Variants in TRA2B observed in about 807,000 individuals in gnomAD.
TRA2B encodes the protein transformer 2 beta homolog, also known as transformer-2 protein homolog beta.
In TRA2B, 14 loss-of-function variants were observed where a neutral mutation model predicts 41.7. The ratio of observed to expected loss-of-function variants is 0.34; its 90% CI spans 0.22 to 0.53. The LOEUF (loss-of-function observed/expected upper bound fraction) is 0.53. Ranked by LOEUF, TRA2B falls within the 20% of genes least tolerant of loss-of-function variation. The pLI, the probability that TRA2B is intolerant of heterozygous loss-of-function variation, is 0.95. For missense variants in TRA2B, 167 were observed against 396.8 expected (o/e 0.42, Z 4.92); for synonymous variants, 130 against 128.8 (o/e 1.01, Z -0.06).
intron 3 of TRA2B, 192 bp downstream of exon 3, chr3:185,925,268 CTTAA>C (rs1387996743): frequency 1.8e-6 from 1 of 565,644 alleles, no homozygotes; most frequent in Non-Finnish European, 3.0e-6. Flanking sequence ...CAGTATTATG[CTTAA>C]TTGACAGGCA....
chr3:185,931,577 T>G (rs1744155961), intron 1 of TRA2B: 1 of 1,240,580 alleles, frequency 8.1e-7, no homozygotes, highest in Non-Finnish European at 1.0e-6. Flanking sequence ...TAGTAATTAC[T>G]TAGCGTAGTG....
In TRA2B at chr3:185,925,590, G is replaced by A. The variant is rs1035073821; in HGVS notation, c.207C>T (p.Thr69=). 3.7e-6 allele frequency: 6 copies of A among 1,614,058 alleles called. No homozygotes were observed. The highest frequency in any genetic ancestry group is 5.1e-6 in the Non-Finnish European group (6 of 1,179,976). ...RSRRSSRRHY[T]RSRSRSRSHR... ...GGGAGCGGGAGCGAGACCGTGACCGGGTATAATGCCTTCGGGAGCTTCTTC... is the reference window on the plus strand; with the variant it reads ...GGGAGCGGGAGCGAGACCGTGACCGAGTATAATGCCTTCGGGAGCTTCTTC... The change falls in exon 3 of 9, where the codon ACC becomes ACT. Residue 69 remains threonine (T), a synonymous_variant. Coordinates refer to ENST00000453386, the MANE Select transcript of TRA2B (RefSeq NM_004593.3).
At chr3:185,929,829 C>G (rs2150117283) in intron 1 of TRA2B, among the ~76,000 whole-genome samples, 1 of 152,288 alleles carries the variant, frequency 6.6e-6, no homozygotes. Flanking sequence ...TTGACTTAGT[C>G]AACCTCAGAA....
At chr3:185,937,731 A>T (rs1744424928) in intron 1 of TRA2B, 94 bp downstream of exon 1, 2 of 1,566,302 alleles carry the variant, frequency 1.3e-6, no homozygotes, top group African/African-American at 1.4e-5. Context: ...CGGAGCCTAA[A>T]ACGCCCCTGC....
At chr3:185,918,286 T>C (rs1212049908) in intron 8 of TRA2B, 79 bp downstream of exon 8, 3 of 1,051,948 alleles carry the variant, frequency 2.9e-6, no homozygotes, top group African/African-American at 3.2e-5. Context: ...AACCAATCCA[T>C]TATCTGATAA....
At position 185,918,452 on chromosome 3, in the gene TRA2B, T is replaced by C; in HGVS notation, c.783-14A>G. 1 of 1,592,540 alleles carries C rather than the reference T, an allele frequency of 6.3e-7. No individual in the cohort carries two copies. The highest frequency in any genetic ancestry group is 8.6e-7 in the Non-Finnish European group (1 of 1,160,882). On this transcript the variant is annotated splice_polypyrimidine_tract_variant and intron_variant, in intron 7 of 8. Transcript: ENST00000453386. The stretch of plus-strand genomic sequence containing the variant: ...GGTGACCGCCTTCTATAAACAAATG[T>C]CAAGATTGTCTAAGTCTCAATAGAT...
In TRA2B at chr3:185,915,940, ACAC is replaced by A. The variant is rs1743485461; in HGVS notation, c.*1772_*1774del. The A allele has an allele frequency of 6.6e-6, 1 of 152,180 alleles. No homozygotes were observed. Among genetic ancestry groups the A allele is most frequent in the Non-Finnish European group, 1.5e-5 (1 of 68,018 alleles). The allele number at this position is 152,180 out of a possible 1,614,324, so 9.4% of individuals were successfully genotyped here. A position where few individuals can be genotyped will look rare whatever the true frequency, so the allele number is the denominator to read the frequency against. On this transcript the variant is annotated 3_prime_UTR_variant, in exon 9 of 9. Transcript: ENST00000453386. ...TCAGCCTTTAATGTATCCATCCATAACACAACCCCCTCTGGGACCACACCCTAA... is the reference window on the plus strand; with the variant it reads ...TCAGCCTTTAATGTATCCATCCATAAAACCCCCTCTGGGACCACACCCTAA...
Position 185,936,517 on chromosome 3 carries a change from C to T in TRA2B, c.36+1308G>A, listed in dbSNP as rs1016835958. The stretch of plus-strand genomic sequence containing the variant: ...GCTCCAAAATTACGCAGGAAACTCA[C>T]GCTTCATCACTGAAAATTTCTTCCT... On this transcript the variant is annotated intron_variant, in intron 1 of 8. Transcript: ENST00000453386. 11 of 985,292 alleles carry T rather than the reference C, an allele frequency of 1.1e-5. No individual in the cohort carries two copies. In the African/African-American group the frequency reaches 1.7e-4, roughly 16 times the overall value. 61.0% of individuals were successfully genotyped at this position (985,292 alleles called of 1,614,324 possible).
intron 1 of TRA2B, among the ~76,000 whole-genome samples, chr3:185,933,440 T>C (rs1480451275): frequency 6.6e-6 from 1 of 152,156 alleles, no homozygotes; most frequent in Non-Finnish European, 1.5e-5. Flanking sequence ...AGACCCTAGT[T>C]AGAAATAAAC....
intron 4 of TRA2B, 118 bp from the exon 5 acceptor site, chr3:185,922,244 A>G (rs1011881982): frequency 1.6e-6 from 1 of 607,958 alleles, no homozygotes; most frequent in Non-Finnish European, 2.8e-6. Context: ...TCTTAATGTT[A>G]GCCAGAACGT....
intron 5 of TRA2B, 85 bp downstream of exon 5, chr3:185,921,926 A>C: frequency 1.1e-6 from 1 of 929,590 alleles, no homozygotes; most frequent in Non-Finnish European, 1.6e-6. Context: ...GCACAAACCT[A>C]AGTGCTGAAG....
At chr3:185,936,736 T>C (rs779620358) in intron 1 of TRA2B, 2 of 985,218 alleles carry the variant, frequency 2.0e-6, no homozygotes, top group Non-Finnish European at 2.4e-6. Context: ...ATTTCTATGG[T>C]GCTTTTCTAT....
intron 2 of TRA2B, 49 bp from the exon 3 acceptor site, chr3:185,925,675 T>G: frequency 1.9e-6 from 3 of 1,563,184 alleles, no homozygotes; most frequent in Non-Finnish European, 2.6e-6. Flanking sequence ...AAATATTGTC[T>G]TCTTTATTAC....
chr3:185,936,676 GTT>G (rs35441764), intron 1 of TRA2B: 10 of 825,796 alleles, frequency 1.2e-5, no homozygotes, highest in Non-Finnish European at 1.4e-5. Flanking sequence ...GTAACAAATT[GTT>G]TTTTTTTTTT....
Position 185,936,178 on chromosome 3 carries a change from G to C in TRA2B, c.36+1647C>G, listed in dbSNP as rs539965085. Reference sequence around the variant, plus strand: ...AGTCATTTAGTATTTTTGAAGAGTAGAAAGGTACCCAATAATTGAATTTTT... The same window carrying C: ...AGTCATTTAGTATTTTTGAAGAGTACAAAGGTACCCAATAATTGAATTTTT... On this transcript the variant is annotated intron_variant, in intron 1 of 8. Coordinates refer to ENST00000453386, the MANE Select transcript of TRA2B (RefSeq NM_004593.3). 1.3e-5 allele frequency: 13 copies of C among 985,368 alleles called. No homozygotes were observed. The African/African-American group carries it at 2.3e-4, about 17-fold the overall frequency. 61.0% of individuals were successfully genotyped at this position (985,368 alleles called of 1,614,324 possible).
intron 8 of TRA2B, among the ~76,000 whole-genome samples, 180 bp downstream of exon 8, chr3:185,918,182 AAAT>A (rs1743576702): frequency 6.6e-6 from 1 of 152,222 alleles, no homozygotes; most frequent in Admixed American, 6.5e-5. Flanking sequence ...CCTTCTTAAA[AAAT>A]AATAGGATTC....
At position 185,915,199 on chromosome 3, in the gene TRA2B, T is replaced by C. The variant is rs923981920; in HGVS notation, c.*2516A>G. Among the ~76,000 whole-genome samples the C allele has an allele frequency of 5.9e-5, 9 of 152,184 alleles. No individual in the cohort carries two copies. The highest frequency in any genetic ancestry group is 1.7e-4 in the African/African-American group (7 of 41,440). On this transcript the variant is annotated 3_prime_UTR_variant, in exon 9 of 9. Coordinates refer to ENST00000453386, the MANE Select transcript of TRA2B (RefSeq NM_004593.3). ...GTCTACAAATCTTTTGACACAGCCT[T>C]ATTTCCACTTGCTGGGACCCTGTTG...
intron 8 of TRA2B, 49 bp downstream of exon 8, chr3:185,918,316 G>C: frequency 7.2e-7 from 1 of 1,392,674 alleles, no homozygotes; most frequent in East Asian, 2.3e-5. Context: ...ACTGTCATCA[G>C]AGCAAGCCAT....
intron 1 of TRA2B, chr3:185,936,388 G>A (rs1376567071): frequency 1.9e-5 from 19 of 985,168 alleles, no homozygotes; most frequent in Middle Eastern, 5.2e-4. Flanking sequence ...CGTGACATTG[G>A]AGTCAATCGG....
Sources: gnomAD v4.1 joint callset for allele counts (sites outside exome capture counted in the v4.1 genomes callset) on GRCh38, gnomAD v4.1.1 for gene constraint, MANE v1.5 for transcripts, NCBI Gene and HGNC (gene_info 2026-07-23, HGNC 2026-07-21) for gene names.